ARMH4: variants seen among roughly 807,000 people sequenced by gnomAD.
ARMH4 encodes armadillo-like helical domain-containing protein 4.
ARMH4 carries 49 observed loss-of-function variants against 61.9 expected under a neutral mutation model. The ratio of observed to expected loss-of-function variants is 0.79; its 90% confidence interval spans 0.63 to 1.00. The LOEUF (loss-of-function observed/expected upper bound fraction) is 1.00, where lower values mean the gene tolerates loss of function less well. Among genes scored for constraint, ARMH4 ranks in the 50% least tolerant of loss-of-function variants. The pLI, the probability that ARMH4 is intolerant of heterozygous loss-of-function variation, is 0.00. For synonymous variants in ARMH4, 368 were observed against 341.5 expected (o/e 1.08, Z -0.85); for missense variants, 934 against 930.0 (o/e 1.00, Z -0.06).
chr14:58,024,216 G>A (rs1021048942), intron 5 of ARMH4, among the ~76,000 whole-genome samples: 3 of 152,180 alleles, frequency 2.0e-5, no homozygotes, highest in Non-Finnish European at 2.9e-5. Context: ...TGTTTCATCT[G>A]CAATGAAAAC....
intron 4 of ARMH4, among the ~76,000 whole-genome samples, chr14:58,125,724 ACCCCTACTATG>A (rs1324385466): frequency 2.0e-5 from 3 of 152,014 alleles, no homozygotes; most frequent in Non-Finnish European, 4.4e-5. Context: ...CAACTGCACA[ACCCCTACTATG>A]CCCCAATTCA....
chr14:58,133,881 G>T (rs1311695603), intron 2 of ARMH4, among the ~76,000 whole-genome samples: 1 of 152,172 alleles, frequency 6.6e-6, no homozygotes, highest in Non-Finnish European at 1.5e-5. Flanking sequence ...CCTCCCATAT[G>T]TACTACAGGG....
intron 5 of ARMH4, among the ~76,000 whole-genome samples, chr14:58,057,785 C>G (rs1009645139): frequency 6.6e-6 from 1 of 152,186 alleles, no homozygotes; most frequent in Admixed American, 6.5e-5. Context: ...AAGACAAGCT[C>G]TAATGGTCTG....
intron 1 of ARMH4, among the ~76,000 whole-genome samples, chr14:58,142,195 C>T (rs553625274): frequency 1.4e-4 from 21 of 152,240 alleles, no homozygotes; most frequent in African/African-American, 4.8e-4. Context: ...CAACTTCATA[C>T]AGTTTACATT....
At chr14:58,077,048 AC>A (rs1481198345) in intron 5 of ARMH4, among the ~76,000 whole-genome samples, 1 of 152,088 alleles carries the variant, frequency 6.6e-6, no homozygotes, top group African/African-American at 2.4e-5. Context: ...GGCCCTCCAT[AC>A]CACAGCCAAC....
intron 5 of ARMH4, among the ~76,000 whole-genome samples, chr14:58,085,081 T>G (rs1266818185): frequency 6.6e-6 from 1 of 152,196 alleles, no homozygotes; most frequent in Non-Finnish European, 1.5e-5. Context: ...TGATCCAGAT[T>G]AAGTAAAACA....
At chr14:58,018,770 G>C (rs1882708082) in intron 5 of ARMH4, among the ~76,000 whole-genome samples, 1 of 152,010 alleles carries the variant, frequency 6.6e-6, no homozygotes, top group African/African-American at 2.4e-5. Flanking sequence ...CCCACTACTG[G>C]GTACATATTC....
intron 5 of ARMH4, among the ~76,000 whole-genome samples, chr14:58,026,099 A>T (rs372607297): frequency 7.2e-5 from 11 of 152,152 alleles, no homozygotes; most frequent in African/African-American, 2.6e-4. Context: ...GTTATTTATT[A>T]GTGCTAATAA....
Position 58,036,796 on chromosome 14 carries a change from T to G in ARMH4, c.2090-24646A>C, listed in dbSNP as rs1277321490. Among the ~76,000 whole-genome samples the G allele has an allele frequency of 3.3e-5, 4 of 122,072 alleles. No individual in the cohort carries two copies. The East Asian group carries it at 9.8e-4, about 30-fold the overall frequency. The allele number at this position is 122,072 out of a possible 152,430, so 80.1% of individuals were successfully genotyped here. On this transcript the variant is annotated intron_variant, in intron 5 of 7. Coordinates refer to ENST00000267485, the MANE Select transcript of ARMH4 (RefSeq NM_001001872.4). ...AGCCAAATCATGAGTGAACTCCCAT[T>G]CACAATTGCTTCAAAGAGAATAAAA...
At chr14:58,012,407 T>C (rs1482622619) in intron 5 of ARMH4, among the ~76,000 whole-genome samples, 1 of 152,196 alleles carries the variant, frequency 6.6e-6, no homozygotes, top group Non-Finnish European at 1.5e-5. Flanking sequence ...CTATTATTAT[T>C]GAATGATTAG....
chr14:58,131,913 T>C lies in ARMH4; in HGVS notation c.1622-192A>G, dbSNP rs1194782075. On this transcript the variant is annotated intron_variant, in intron 3 of 7. Transcript: ENST00000267485. ...CCCAAAGCAAAGACTTTCAGGAAAA[T>C]GTATTGTCTTACAGGAAAATGTATT... is the stretch of plus-strand genomic sequence containing the variant. 2.0e-5 allele frequency among the ~76,000 whole-genome samples: 3 copies of C among 152,230 alleles called. No individual in the cohort carries two copies. The East Asian group carries it at 5.8e-4, about 29-fold the overall frequency.
At chr14:58,027,893 A>C (rs751037719) in intron 5 of ARMH4, among the ~76,000 whole-genome samples, 2 of 152,218 alleles carry the variant, frequency 1.3e-5, no homozygotes, top group Admixed American at 6.5e-5. Context: ...CAAAGGCAGA[A>C]CTTTTCTGCC....
chr14:58,044,325 C>T (rs941014352), intron 5 of ARMH4, among the ~76,000 whole-genome samples: 202 of 152,182 alleles, frequency 1.3e-3, no homozygotes, highest in African/African-American at 4.7e-3. Flanking sequence ...TCTACAACCA[C>T]CTGATCTTTG....
At chr14:58,011,265 T>C (rs1004209049) in intron 6 of ARMH4, among the ~76,000 whole-genome samples, 1 of 152,222 alleles carries the variant, frequency 6.6e-6, no homozygotes, top group Non-Finnish European at 1.5e-5. Flanking sequence ...AATTGAATGT[T>C]GTATTCTTTA....
rs1179786730 is a variant in ARMH4 at position 58,109,102 on chromosome 14, A to G, written c.1832-12121T>C. Among the ~76,000 whole-genome samples the G allele has an allele frequency of 3.3e-5, 5 of 152,312 alleles. 1 individual carries two copies. The highest frequency in any genetic ancestry group is 2.4e-5 in the African/African-American group (1 of 41,568). Reference sequence around the variant, plus strand: ...GATTACAAATATTTTTGCTAATTTTAGAAGCTGTATTTTCACTTTCTTTCT... The same window carrying G: ...GATTACAAATATTTTTGCTAATTTTGGAAGCTGTATTTTCACTTTCTTTCT... On this transcript the variant is annotated intron_variant, in intron 4 of 7. Transcript: ENST00000267485.
Position 58,034,450 on chromosome 14 carries a change from T to C in ARMH4, c.2090-22300A>G, listed in dbSNP as rs1373110271. ...ACCGGTACCAGCTGCTGCAAAATCA[T>C]GCCAAAATGTAAAGACCATCGAGAC... On this transcript the variant is annotated intron_variant, in intron 5 of 7. Coordinates refer to ENST00000267485, the MANE Select transcript of ARMH4 (RefSeq NM_001001872.4). 7.1e-5 allele frequency among the ~76,000 whole-genome samples: 9 copies of C among 126,956 alleles called. 1 individual carries two copies. Among genetic ancestry groups the C allele is most frequent in the Non-Finnish European group, 7.0e-5 (4 of 56,992 alleles). 83.3% of individuals were successfully genotyped at this position (126,956 alleles called of 152,430 possible). A position where few individuals can be genotyped will look rare whatever the true frequency, so the allele number is the denominator to read the frequency against.
intron 5 of ARMH4, among the ~76,000 whole-genome samples, chr14:58,058,102 G>A (rs541975044): frequency 2.1e-4 from 32 of 152,256 alleles, no homozygotes; most frequent in Middle Eastern, 3.4e-3. Flanking sequence ...CCAGTATCAC[G>A]GGAAATTGGT....
chr14:58,029,527 C>A (rs905342121), intron 5 of ARMH4, among the ~76,000 whole-genome samples: 1 of 152,164 alleles, frequency 6.6e-6, no homozygotes, highest in Non-Finnish European at 1.5e-5. Flanking sequence ...AGCCACCGTG[C>A]CCGGCCAGCA....
At chr14:58,041,724 G>C (rs1337619055) in intron 5 of ARMH4, among the ~76,000 whole-genome samples, 1 of 152,060 alleles carries the variant, frequency 6.6e-6, no homozygotes, top group Non-Finnish European at 1.5e-5. Flanking sequence ...GACACACATA[G>C]GATCAAAATA....
Sources: allele counts gnomAD v4.1 joint callset (sites outside exome capture counted in the v4.1 genomes callset), GRCh38; gene constraint gnomAD v4.1.1; transcripts MANE v1.5; gene names NCBI Gene and HGNC (gene_info 2026-07-23, HGNC 2026-07-21).